ZNF385B: variants seen among roughly 807,000 people sequenced by gnomAD.
ZNF385B encodes the protein zinc finger protein 385B.
Under a neutral mutation model 39.2 loss-of-function variants are expected in ZNF385B, and 23 were observed. The observed-to-expected ratio is 0.59, with a 90% CI of 0.42 to 0.83. The LOEUF (loss-of-function observed/expected upper bound fraction) is 0.83, where lower values mean the gene tolerates loss of function less well. Among genes scored for constraint, ZNF385B ranks in the 40% least tolerant of loss-of-function variants. The probability of loss-of-function intolerance (pLI) is 0.00; values close to 1 mark genes in which losing one functional copy is unlikely to be tolerated. For missense variants in ZNF385B, 552 were observed against 598.9 expected, an observed-to-expected ratio of 0.92 and a Z score of 0.82; for synonymous variants, 205 against 222.6, an observed-to-expected ratio of 0.92 and a Z score of 0.70.
chr2:179,445,749 T>C (rs1194972782), intron 7 of ZNF385B, 21 bp from the exon 8 acceptor site: 1 of 1,571,510 alleles, frequency 6.4e-7, no homozygotes, highest in Non-Finnish European at 8.6e-7. Flanking sequence ...AAGAGACACA[T>C]ATTAAATAGC....
intron 3 of ZNF385B, among the ~76,000 whole-genome samples, chr2:179,559,896 T>G (rs1349148527): frequency 6.6e-6 from 1 of 152,124 alleles, no homozygotes; most frequent in Non-Finnish European, 1.5e-5. Flanking sequence ...TTTCTACCTT[T>G]TGACAATATT....
At chr2:179,545,180 G>A (rs1011176872) in intron 3 of ZNF385B, among the ~76,000 whole-genome samples, 1 of 152,186 alleles carries the variant, frequency 6.6e-6, no homozygotes, top group Non-Finnish European at 1.5e-5. Flanking sequence ...TTCCCTATGG[G>A]CAAGGGCTGA....
At chr2:179,669,011 C>T (rs1417418363) in intron 3 of ZNF385B, among the ~76,000 whole-genome samples, 1 of 152,048 alleles carries the variant, frequency 6.6e-6, no homozygotes, top group Non-Finnish European at 1.5e-5. Flanking sequence ...ATGTAAATGG[C>T]TGTATGTTAC....
chr2:179,776,106 T>A (rs1704298215), intron 1 of ZNF385B, among the ~76,000 whole-genome samples: 1 of 152,186 alleles, frequency 6.6e-6, no homozygotes, highest in African/African-American at 2.4e-5. Flanking sequence ...ATATTTGGGG[T>A]CATTCCTGAT....
At chr2:179,593,094 A>G (rs1029545104) in intron 3 of ZNF385B, among the ~76,000 whole-genome samples, 1 of 152,190 alleles carries the variant, frequency 6.6e-6, no homozygotes, top group Non-Finnish European at 1.5e-5. Context: ...GATTGCCTTC[A>G]ATTATGATAA....
At chr2:179,846,015 C>T (rs999875372) in intron 1 of ZNF385B, among the ~76,000 whole-genome samples, 5 of 152,214 alleles carry the variant, frequency 3.3e-5, no homozygotes, top group African/African-American at 2.4e-5. Context: ...CACTGGCATA[C>T]TTGCACATGG....
At chr2:179,771,379 C>T (rs916021647) in intron 1 of ZNF385B, among the ~76,000 whole-genome samples, 2 of 152,134 alleles carry the variant, frequency 1.3e-5, no homozygotes, top group Non-Finnish European at 2.9e-5. Context: ...CCCATACATC[C>T]AATTGTGAAG....
In ZNF385B at chr2:179,712,983, G is replaced by A. The variant is rs1293341328; in HGVS notation, c.298+56520C>T. On this transcript the variant is annotated intron_variant, in intron 3 of 9. Transcript: ENST00000410066. Reference sequence around the variant, plus strand: ...TACCCTTTCGTGAGGCTGGGCAACAGCAGTGAGCCACAGCATCCAGTCAAC... The same window carrying A: ...TACCCTTTCGTGAGGCTGGGCAACAACAGTGAGCCACAGCATCCAGTCAAC... 2.6e-5 allele frequency among the ~76,000 whole-genome samples: 4 copies of A among 152,170 alleles called. No individual in the cohort carries two copies. The East Asian group carries it at 7.7e-4, about 29-fold the overall frequency.
intron 1 of ZNF385B, among the ~76,000 whole-genome samples, chr2:179,848,006 C>T (rs2106624636): frequency 6.6e-6 from 1 of 152,218 alleles, no homozygotes; most frequent in Admixed American, 6.5e-5. Context: ...TAGAAAGAAG[C>T]ATGAGAGGAG....
At chr2:179,483,144 AAAAC>A in intron 6 of ZNF385B, 124 bp downstream of exon 6, 6 of 1,029,400 alleles carry the variant, frequency 5.8e-6, no homozygotes, top group Non-Finnish European at 8.5e-6. Context: ...TCCCGTGAAG[AAAAC>A]ATATTAATAT....
chr2:179,797,086 C>A (rs560734876), intron 1 of ZNF385B, among the ~76,000 whole-genome samples: 1 of 152,042 alleles, frequency 6.6e-6, no homozygotes, highest in African/African-American at 2.4e-5. Flanking sequence ...ACCAGTGATT[C>A]TTCTTAATAT....
rs1346808450 is a variant in ZNF385B at position 179,792,370 on chromosome 2, C to CTTTTT, written c.-154-21699_-154-21698insAAAAA. Among the ~76,000 whole-genome samples the CTTTTT allele has an allele frequency of 4.0e-4, 28 of 70,720 alleles. 2 individuals are homozygous for CTTTTT. Among genetic ancestry groups the CTTTTT allele is most frequent in the Admixed American group, 2.0e-3 (10 of 4,972 alleles). 46.4% of individuals were successfully genotyped at this position (70,720 alleles called of 152,430 possible). A position where few individuals can be genotyped will look rare whatever the true frequency, so the allele number is the denominator to read the frequency against. ...CTGAAGAAGTAGGCCATTTCATTTT[C>CTTTTT]TTTTCTTTTTTTTTTTTTTTTGAGA... On this transcript the variant is annotated intron_variant, in intron 1 of 9. Coordinates refer to ENST00000410066, the MANE Select transcript of ZNF385B (RefSeq NM_152520.6).
In ZNF385B at chr2:179,753,370, G is replaced by A. The variant is rs9685610; in HGVS notation, c.298+16133C>T. 1.9e-3 allele frequency among the ~76,000 whole-genome samples: 283 copies of A among 152,264 alleles called. 2 individuals carry two copies. Among genetic ancestry groups the A allele is most frequent in the African/African-American group, 6.5e-3 (272 of 41,550 alleles). On this transcript the variant is annotated intron_variant, in intron 3 of 9. Transcript: ENST00000410066. Reference sequence around the variant, plus strand: ...GTAGTATAGTTTGAAGTCAGGTAGCGTGATGCCTCCAGCTTTGCTCTTTTG... The same window carrying A: ...GTAGTATAGTTTGAAGTCAGGTAGCATGATGCCTCCAGCTTTGCTCTTTTG...
intron 3 of ZNF385B, among the ~76,000 whole-genome samples, chr2:179,750,542 C>T (rs958299118): frequency 6.6e-6 from 1 of 152,086 alleles, no homozygotes; most frequent in South Asian, 2.1e-4. Flanking sequence ...GGACCTGTGA[C>T]TTATACAAAG....
chr2:179,860,722 C>A, intron 1 of ZNF385B: 1 of 417,212 alleles, frequency 2.4e-6, no homozygotes, highest in Non-Finnish European at 5.0e-6. Context: ...CCCAAACTTC[C>A]AGCCCAGGTG....
intron 3 of ZNF385B, among the ~76,000 whole-genome samples, chr2:179,675,395 C>T (rs1164711339): frequency 1.3e-5 from 2 of 152,136 alleles, no homozygotes; most frequent in Admixed American, 6.6e-5. Flanking sequence ...GCAGTCCTAT[C>T]CCACATTGTT....
chr2:179,671,027 T>C (rs1695918348), intron 3 of ZNF385B, among the ~76,000 whole-genome samples: 1 of 152,222 alleles, frequency 6.6e-6, no homozygotes, highest in Non-Finnish European at 1.5e-5. Flanking sequence ...TTGAAAGAAT[T>C]AAATGAGATA....
intron 3 of ZNF385B, among the ~76,000 whole-genome samples, chr2:179,619,941 T>C (rs1313769863): frequency 2.0e-5 from 3 of 152,234 alleles, no homozygotes; most frequent in African/African-American, 7.2e-5. Context: ...ATTTACTAGC[T>C]ATGTGACCTT....
intron 3 of ZNF385B, among the ~76,000 whole-genome samples, chr2:179,719,309 A>G (rs1700532141): frequency 6.6e-6 from 1 of 152,150 alleles, no homozygotes; most frequent in South Asian, 2.1e-4. Context: ...AATACCTATG[A>G]ACCCCTTGCC....
Sources: allele counts gnomAD v4.1 joint callset (sites outside exome capture counted in the v4.1 genomes callset), GRCh38; gene constraint gnomAD v4.1.1; transcripts MANE v1.5; gene names NCBI Gene and HGNC (gene_info 2026-07-23, HGNC 2026-07-21).